MEF2C: variants seen among roughly 807,000 people sequenced by gnomAD.
The protein encoded by MEF2C is myocyte-specific enhancer factor 2C.
MEF2C carries 6 observed loss-of-function variants against 50.5 expected under a neutral mutation model. The ratio of observed to expected loss-of-function variants is 0.12; its 90% confidence interval spans 0.07 to 0.23. The LOEUF is 0.23. Ranked by LOEUF, MEF2C falls within the 10% of genes least tolerant of loss-of-function variation. The probability of loss-of-function intolerance (pLI) is 1.00; values close to 1 mark genes in which losing one functional copy is unlikely to be tolerated. For synonymous variants in MEF2C, 183 were observed against 228.0 expected (o/e 0.80, Z 1.78); for missense variants, 276 against 605.0 (o/e 0.46, Z 5.70).
At chr5:88,782,482 A>G (rs1179163285) in intron 3 of MEF2C, among the ~76,000 whole-genome samples, 2 of 152,072 alleles carry the variant, frequency 1.3e-5, no homozygotes, top group Non-Finnish European at 2.9e-5. Flanking sequence ...AAAAAAATAA[A>G]AACAAGCAAA....
intron 3 of MEF2C, chr5:88,768,583 G>A (rs534803742): frequency 7.3e-6 from 4 of 548,040 alleles, no homozygotes; most frequent in African/African-American, 2.0e-5. Flanking sequence ...TTGTCATCTC[G>A]TATCACCAGA....
intron 1 of MEF2C, chr5:88,838,377 GT>G (rs34591494): frequency 0.024 from 4,298 of 178,196 alleles, 153 homozygotes; most frequent in African/African-American, 0.088. Flanking sequence ...GCTGTTTTTG[GT>G]TTTTTTTTTT....
intron 6 of MEF2C, chr5:88,739,421 C>T (rs1765527629): frequency 1.0e-6 from 1 of 956,978 alleles, no homozygotes; most frequent in Admixed American, 6.2e-5. Context: ...TAATAATGCT[C>T]ACTATCATCA....
chr5:88,807,256 C>A (rs1349672902), intron 2 of MEF2C, among the ~76,000 whole-genome samples: 2 of 152,118 alleles, frequency 1.3e-5, no homozygotes, highest in African/African-American at 2.4e-5. Flanking sequence ...GACAGGGTCT[C>A]CCCGTCTCCT....
chr5:88,837,281 A>T (rs1402611806), intron 1 of MEF2C, among the ~76,000 whole-genome samples: 1 of 152,194 alleles, frequency 6.6e-6, no homozygotes. Flanking sequence ...TGCTGAAGAC[A>T]TGATAAAACA....
chr5:88,843,612 C>A (rs1444163751), intron 1 of MEF2C: 1 of 274,604 alleles, frequency 3.6e-6, no homozygotes, highest in Non-Finnish European at 5.5e-6. Context: ...TATGTTTCTT[C>A]TATTTCTAAT....
chr5:88,774,156 G>A (rs576684396), intron 3 of MEF2C, among the ~76,000 whole-genome samples: 2 of 152,152 alleles, frequency 1.3e-5, no homozygotes, highest in African/African-American at 4.8e-5. Context: ...TTCAACAGTT[G>A]ACCTGGAGGT....
intron 1 of MEF2C, among the ~76,000 whole-genome samples, chr5:88,873,242 G>C (rs1178444547): frequency 6.6e-6 from 1 of 152,028 alleles, no homozygotes; most frequent in South Asian, 2.1e-4. Context: ...TCTTTACAAA[G>C]ACATGATCCT....
At chr5:88,844,267 G>GA (rs1176529054) in intron 1 of MEF2C, among the ~76,000 whole-genome samples, 1 of 152,046 alleles carries the variant, frequency 6.6e-6, no homozygotes, top group East Asian at 1.9e-4. Context: ...TCAAGGCATT[G>GA]AAAAAATGCA....
intron 1 of MEF2C, among the ~76,000 whole-genome samples, chr5:88,895,670 C>T (rs1280586048): frequency 2.6e-5 from 4 of 152,206 alleles, no homozygotes; most frequent in Admixed American, 6.5e-5. Flanking sequence ...TTCAGCAGGC[C>T]CTGCTTTCAC....
chr5:88,751,835 T>C, intron 5 of MEF2C, 22 bp downstream of exon 5: 1 of 1,611,120 alleles, frequency 6.2e-7, no homozygotes, highest in Non-Finnish European at 8.5e-7. Context: ...TTTGTTAGCA[T>C]TACATCCTTA....
At chr5:88,794,639 A>G (rs1419747109) in intron 3 of MEF2C, among the ~76,000 whole-genome samples, 2 of 152,016 alleles carry the variant, frequency 1.3e-5, no homozygotes, top group Non-Finnish European at 2.9e-5. Context: ...GAAGCTCTTT[A>G]GTTTAATTAG....
At chr5:88,873,922 C>T (rs1275866818) in intron 1 of MEF2C, among the ~76,000 whole-genome samples, 1 of 151,410 alleles carries the variant, frequency 6.6e-6, no homozygotes, top group African/African-American at 2.4e-5. Flanking sequence ...AAAAATCATC[C>T]AGAATAAATT....
At chr5:88,736,472 A>G (rs1457995617) in intron 6 of MEF2C, among the ~76,000 whole-genome samples, 1 of 11,136 alleles carries the variant, frequency 9.0e-5, no homozygotes, top group Non-Finnish European at 3.6e-4. Context: ...CCGCAGTCCG[A>G]CCTGGGCGAC....
rs536897653 is a variant in MEF2C at position 88,845,886 on chromosome 5, A to C, written c.-142-21956T>G. Among the ~76,000 whole-genome samples, 7 of 152,092 alleles carry C rather than the reference A, an allele frequency of 4.6e-5. No homozygotes were observed. The South Asian group carries it at 1.5e-3, about 32-fold the overall frequency. On this transcript the variant is annotated intron_variant, in intron 1 of 10. Transcript: ENST00000504921. Reference sequence around the variant, plus strand: ...GCTGAGACTACAGGTGCACGCCACAACACCCAGCTAATTTTGGTGCTGATA... The same window carrying C: ...GCTGAGACTACAGGTGCACGCCACACCACCCAGCTAATTTTGGTGCTGATA...
At chr5:88,784,082 C>T (rs1356692011) in intron 3 of MEF2C, among the ~76,000 whole-genome samples, 4 of 152,256 alleles carry the variant, frequency 2.6e-5, no homozygotes, top group South Asian at 4.1e-4. Context: ...CATTGAAAAT[C>T]GATAATGAAA....
chr5:88,898,845 TC>T (rs1220122565), intron 1 of MEF2C, among the ~76,000 whole-genome samples: 1 of 152,158 alleles, frequency 6.6e-6, no homozygotes, highest in Non-Finnish European at 1.5e-5. Flanking sequence ...ATTTATCCAT[TC>T]TTTCATTCCA....
At chr5:88,790,602 G>A (rs1225842391) in intron 3 of MEF2C, among the ~76,000 whole-genome samples, 2 of 152,090 alleles carry the variant, frequency 1.3e-5, no homozygotes, top group African/African-American at 4.8e-5. Context: ...CTTTTACTTG[G>A]TTTCCTGTGC....
intron 3 of MEF2C, chr5:88,768,693 C>A: frequency 1.0e-6 from 1 of 985,164 alleles, no homozygotes; most frequent in Non-Finnish European, 1.2e-6. Flanking sequence ...AAAGAATGTT[C>A]AAATGTTAGA....
Sources: allele counts gnomAD v4.1 joint callset (sites outside exome capture counted in the v4.1 genomes callset), GRCh38; gene constraint gnomAD v4.1.1; transcripts MANE v1.5; gene names NCBI Gene and HGNC (gene_info 2026-07-23, HGNC 2026-07-21).